AGBL4: variants seen among roughly 807,000 people sequenced by gnomAD.
AGBL4 encodes the protein AGBL carboxypeptidase 4, also known as cytosolic carboxypeptidase 6.
AGBL4 carries 58 observed loss-of-function variants against 66.4 expected under a neutral mutation model. The observed-to-expected ratio is 0.87, with a 90% CI of 0.71 to 1.09. The LOEUF is 1.09. Among genes scored for constraint, AGBL4 ranks in the 50% least tolerant of loss-of-function variants. The probability of loss-of-function intolerance (pLI) is 0.00; values close to 1 mark genes in which losing one functional copy is unlikely to be tolerated. For missense variants in AGBL4, 579 were observed against 631.0 expected, an observed-to-expected ratio of 0.92 and a Z score of 0.88; for synonymous variants, 234 against 222.9, an observed-to-expected ratio of 1.05 and a Z score of -0.44.
At chr1:48,882,234 C>T (rs1649864025) in intron 5 of AGBL4, among the ~76,000 whole-genome samples, 1 of 152,188 alleles carries the variant, frequency 6.6e-6, no homozygotes, top group South Asian at 2.1e-4. Context: ...TGTACAGCCT[C>T]CAAGCTTGCC....
At chr1:48,793,013 C>G (rs1170779652) in intron 6 of AGBL4, among the ~76,000 whole-genome samples, 2 of 152,180 alleles carry the variant, frequency 1.3e-5, no homozygotes, top group Non-Finnish European at 2.9e-5. Context: ...CTAAAAGTCT[C>G]TAAGTGTCCA....
intron 1 of AGBL4, among the ~76,000 whole-genome samples, chr1:49,997,046 T>C (rs1180388181): frequency 3.3e-5 from 5 of 152,136 alleles, no homozygotes; most frequent in Non-Finnish European, 5.9e-5. Context: ...CAAAATCTCC[T>C]AAAAGGAGTT....
chr1:49,460,924 C>A (rs901045752), intron 3 of AGBL4, among the ~76,000 whole-genome samples: 12 of 151,652 alleles, frequency 7.9e-5, no homozygotes, highest in African/African-American at 2.7e-4. Context: ...AAAAATAGGA[C>A]CCCAATCCAT....
chr1:49,437,230 A>G (rs1645924037), intron 3 of AGBL4, among the ~76,000 whole-genome samples: 1 of 152,224 alleles, frequency 6.6e-6, no homozygotes, highest in African/African-American at 2.4e-5. Context: ...GGAATAAAGG[A>G]TTGGCTTTCT....
At chr1:49,705,367 A>G (rs1225072579) in intron 2 of AGBL4, among the ~76,000 whole-genome samples, 1 of 152,172 alleles carries the variant, frequency 6.6e-6, no homozygotes, top group Admixed American at 6.6e-5. Context: ...GTCATCTGCA[A>G]ACAGAGACAA....
chr1:48,897,511 G>T (rs1029339122), intron 5 of AGBL4, among the ~76,000 whole-genome samples: 9 of 152,168 alleles, frequency 5.9e-5, no homozygotes, highest in African/African-American at 2.2e-4. Context: ...GGAATTGCTA[G>T]ATCATATGTT....
intron 4 of AGBL4, among the ~76,000 whole-genome samples, chr1:49,200,502 C>T (rs113160402): frequency 6.6e-6 from 1 of 152,282 alleles, no homozygotes; most frequent in Non-Finnish European, 1.5e-5. Flanking sequence ...TACTACAAGA[C>T]TGCCCCTCTA....
chr1:48,661,282 C>T (rs947103152), intron 7 of AGBL4, among the ~76,000 whole-genome samples: 4 of 152,142 alleles, frequency 2.6e-5, no homozygotes, highest in Non-Finnish European at 4.4e-5. Context: ...TCACAATGAG[C>T]CCTGTGAGAT....
At chr1:49,272,757 C>T (rs1340101871) in intron 3 of AGBL4, among the ~76,000 whole-genome samples, 4 of 152,072 alleles carry the variant, frequency 2.6e-5, no homozygotes, top group Non-Finnish European at 5.9e-5. Context: ...TGTCTATATA[C>T]ACACATGTAT....
rs555612983 is a variant in AGBL4, at chr1:49,705,761, G to A, written c.158-8324C>T. ...TGTTTTTTTTTTACCATGAAAGGGT[G>A]TTGAATTTTATCGAAGGCCTTTTGC... On this transcript the variant is annotated intron_variant, in intron 2 of 13. Transcript: ENST00000371839. 2.2e-4 allele frequency among the ~76,000 whole-genome samples: 33 copies of A among 152,132 alleles called. 1 individual carries two copies. In the South Asian group the frequency reaches 6.6e-3, roughly 31 times the overall value.
chr1:48,969,608 CCT>C (rs1658744970), intron 5 of AGBL4, among the ~76,000 whole-genome samples: 1 of 151,878 alleles, frequency 6.6e-6, no homozygotes, highest in Non-Finnish European at 1.5e-5. Context: ...TCCCTTATTC[CCT>C]CTCTCTCCCT....
At chr1:49,991,469 T>A (rs1659937074) in intron 1 of AGBL4, among the ~76,000 whole-genome samples, 1 of 152,222 alleles carries the variant, frequency 6.6e-6, no homozygotes, top group South Asian at 2.1e-4. Flanking sequence ...AGCCTGGTTT[T>A]TCTAAATCTT....
chr1:49,144,343 T>C (rs2148104170), intron 4 of AGBL4, among the ~76,000 whole-genome samples: 1 of 152,118 alleles, frequency 6.6e-6, no homozygotes, highest in East Asian at 1.9e-4. Context: ...TGAGGAAGCT[T>C]CATAAAGTGG....
At chr1:49,545,213 T>C (rs1417681241) in intron 3 of AGBL4, among the ~76,000 whole-genome samples, 1 of 152,210 alleles carries the variant, frequency 6.6e-6, no homozygotes, top group African/African-American at 2.4e-5. Flanking sequence ...TCTATTGCTT[T>C]TTCAGCTTTC....
chr1:49,312,499 C>T (rs563762412), intron 3 of AGBL4, among the ~76,000 whole-genome samples: 19 of 151,966 alleles, frequency 1.3e-4, no homozygotes, highest in Non-Finnish European at 2.5e-4. Context: ...TGAAAAGGAA[C>T]TCATTTACTT....
intron 1 of AGBL4, among the ~76,000 whole-genome samples, chr1:49,852,317 A>C (rs1646323410): frequency 6.6e-6 from 1 of 152,184 alleles, no homozygotes. Context: ...GCTGGGTCCC[A>C]TACAAATGAG....
At chr1:49,384,369 G>A (rs565392943) in intron 3 of AGBL4, among the ~76,000 whole-genome samples, 9 of 151,510 alleles carry the variant, frequency 5.9e-5, no homozygotes, top group South Asian at 2.1e-4. Context: ...CGAGGCGGGC[G>A]GATCATGAGG....
intron 3 of AGBL4, among the ~76,000 whole-genome samples, chr1:49,538,364 A>C (rs987928516): frequency 2.0e-5 from 3 of 152,246 alleles, no homozygotes; most frequent in Admixed American, 1.3e-4. Context: ...TAAATAATGC[A>C]TACACATAAC....
intron 5 of AGBL4, among the ~76,000 whole-genome samples, chr1:49,030,034 G>T (rs2149033770): frequency 6.6e-6 from 1 of 152,264 alleles, no homozygotes; most frequent in African/African-American, 2.4e-5. Context: ...ATCAATGGAA[G>T]AGCGAAAATT....
Sources: allele counts gnomAD v4.1 joint callset (sites outside exome capture counted in the v4.1 genomes callset), GRCh38; gene constraint gnomAD v4.1.1; transcripts MANE v1.5; gene names NCBI Gene and HGNC (gene_info 2026-07-23, HGNC 2026-07-21).